TNFRSF10D: variants seen among roughly 807,000 people sequenced by gnomAD.
TNFRSF10D encodes tumor necrosis factor receptor superfamily member 10D.
Under a neutral mutation model 42.1 loss-of-function variants are expected in TNFRSF10D, and 28 were observed. That is an observed-to-expected ratio of 0.66 (90% CI 0.49 to 0.91). TNFRSF10D has a LOEUF of 0.91. Among genes scored for constraint, TNFRSF10D ranks in the 40% least tolerant of loss-of-function variants. TNFRSF10D has a pLI of 0.00. For synonymous variants in TNFRSF10D, 186 were observed against 189.4 expected (o/e 0.98, Z 0.15); for missense variants, 503 against 486.1 (o/e 1.03, Z -0.33).
chr8:23,155,745 G>A (rs1179313029), intron 1 of TNFRSF10D, among the ~76,000 whole-genome samples: 1 of 151,378 alleles, frequency 6.6e-6, no homozygotes, highest in Non-Finnish European at 1.5e-5. Flanking sequence ...ACACATATGA[G>A]CCCTTCAAGC....
At chr8:23,138,039 C>T in intron 8 of TNFRSF10D, 36 bp from the exon 9 acceptor site, 1 of 1,612,384 alleles carries the variant, frequency 6.2e-7, no homozygotes, top group Non-Finnish European at 8.5e-7. Context: ...TCTCAATGCT[C>T]CAAGGACGAT....
chr8:23,138,347 T>C, intron 7 of TNFRSF10D, 87 bp from the exon 8 acceptor site: 2 of 1,433,314 alleles, frequency 1.4e-6, no homozygotes. Context: ...GCAAGAGACC[T>C]GCAGCGCTTT....
intron 7 of TNFRSF10D, among the ~76,000 whole-genome samples, chr8:23,144,057 C>T (rs1033622591): frequency 3.3e-5 from 5 of 152,234 alleles, no homozygotes; most frequent in African/African-American, 7.2e-5. Context: ...CAAAGATTTA[C>T]TGTGAAATAT....
chr8:23,145,189 C>G, intron 5 of TNFRSF10D, 100 bp from the exon 6 acceptor site: 2 of 1,486,580 alleles, frequency 1.3e-6, no homozygotes, highest in East Asian at 2.3e-5. Context: ...GGCTGGGACA[C>G]TGGACAAGGA....
chr8:23,152,790 G>C (rs1257861551), intron 2 of TNFRSF10D, among the ~76,000 whole-genome samples: 1 of 152,212 alleles, frequency 6.6e-6, no homozygotes, highest in African/African-American at 2.4e-5. Context: ...TTGTTCATAT[G>C]ACCCAAAGTG....
chr8:23,155,046 A>C (rs1800257371), intron 1 of TNFRSF10D, 67 bp from the exon 2 acceptor site: 6 of 1,258,462 alleles, frequency 4.8e-6, no homozygotes, highest in Non-Finnish European at 3.3e-6. Context: ...GCTCCGTCTC[A>C]CATTCCCTTC....
In TNFRSF10D at chr8:23,136,533, C is replaced by T. The variant is rs143520202; in HGVS notation, c.*1337G>A. 1,006 of 161,282 alleles carry T rather than the reference C, an allele frequency of 6.2e-3. No individual in the cohort carries two copies. Among genetic ancestry groups the T allele is most frequent in the South Asian group, 0.02 (115 of 5,816 alleles). The allele number at this position is 161,282 out of a possible 1,614,324, so 10.0% of individuals were successfully genotyped here. The stretch of plus-strand genomic sequence containing the variant: ...TCCCTCTTGATGCCATGGCAGATGC[C>T]GGGGCAGATAAACACCTGCTCTGCC... On this transcript the variant is annotated 3_prime_UTR_variant, in exon 9 of 9. Coordinates refer to ENST00000312584, the MANE Select transcript of TNFRSF10D (RefSeq NM_003840.5).
At chr8:23,150,972 AGT>A (rs1282298595) in intron 2 of TNFRSF10D, among the ~76,000 whole-genome samples, 1 of 152,212 alleles carries the variant, frequency 6.6e-6, no homozygotes, top group Non-Finnish European at 1.5e-5. Flanking sequence ...CATCAGAGAA[AGT>A]GAAAGGAACA....
chr8:23,157,481 G>C (rs1484467195), intron 1 of TNFRSF10D, among the ~76,000 whole-genome samples: 1 of 152,092 alleles, frequency 6.6e-6, no homozygotes, highest in Non-Finnish European at 1.5e-5. Flanking sequence ...GTCTATCTTG[G>C]TGAAAGTATC....
chr8:23,163,872 C>A lies in TNFRSF10D; in HGVS notation c.64G>T (p.Ala22Ser). Residue 22 changes from alanine to serine, a missense_variant, in exon 1 of 9, where the codon GCC becomes TCC. Coordinates refer to ENST00000312584, the MANE Select transcript of TNFRSF10D (RefSeq NM_003840.5). Reference protein sequence around the residue: ...SSARAGRYPGARTASGTRPWL... With the variant: ...SSARAGRYPGSRTASGTRPWL... ...GGTCTGGTTCCCGACGCTGTCCTGG[C>A]TCCTGGATAGCGCCCTGCTCGAGCG... 1 of 1,602,576 alleles carries A rather than the reference C, an allele frequency of 6.2e-7. No homozygotes were observed. Among genetic ancestry groups the A allele is most frequent in the Admixed American group, 1.7e-5 (1 of 58,364 alleles).
intron 1 of TNFRSF10D, 100 bp from the exon 2 acceptor site, chr8:23,155,079 A>G: frequency 1.1e-6 from 1 of 942,248 alleles, no homozygotes; most frequent in South Asian, 1.8e-5. Flanking sequence ...AAAACCCATG[A>G]GAGCCTGGAC....
chr8:23,158,201 T>G lies in TNFRSF10D; in HGVS notation c.151-3222A>C, dbSNP rs1320878604. Among the ~76,000 whole-genome samples the G allele has an allele frequency of 8.5e-5, 13 of 152,336 alleles. No homozygotes were observed. The East Asian group carries it at 2.3e-3, about 27-fold the overall frequency. On this transcript the variant is annotated intron_variant, in intron 1 of 8. Transcript: ENST00000312584. The stretch of plus-strand genomic sequence containing the variant: ...TAAACTTTCACTCCTGCTCTGAAAC[T>G]TGCCTCTGTCTCTCCTTCTGCCTTA...
chr8:23,151,155 C>T (rs1800207958), intron 2 of TNFRSF10D, among the ~76,000 whole-genome samples: 1 of 150,014 alleles, frequency 6.7e-6, no homozygotes, highest in African/African-American at 2.5e-5. Flanking sequence ...ATTTTGAAAC[C>T]AGCAAGAGAC....
chr8:23,156,951 T>C (rs992842594), intron 1 of TNFRSF10D, among the ~76,000 whole-genome samples: 3 of 152,246 alleles, frequency 2.0e-5, no homozygotes, highest in Admixed American at 6.5e-5. Flanking sequence ...TTTATGCTTA[T>C]ATTTTATGAT....
chr8:23,144,460 T>C lies in TNFRSF10D; in HGVS notation c.944A>G (p.Gln315Arg). The C allele has an allele frequency of 6.2e-7, 1 of 1,614,012 alleles. No individual in the cohort carries two copies. Among genetic ancestry groups the C allele is most frequent in the Non-Finnish European group, 8.5e-7 (1 of 1,179,892 alleles). ...CCCTCCTCAACTCACCAGCAGACGC[T>C]GTGGCTCCTCTGGCAACTCTACAGT... The part of the protein sequence containing the change: ...GVTVELPEEP[Q>R]RLLEQAEAEG... Residue 315 changes from glutamine (Q) to arginine (R), a missense_variant, in exon 7 of 9, where the codon CAG becomes CGG. Physicochemically the swap from Gln to Arg is conservative, Grantham distance 43. Coordinates refer to ENST00000312584, the MANE Select transcript of TNFRSF10D (RefSeq NM_003840.5).
At chr8:23,144,367 G>A (rs755616260) in intron 7 of TNFRSF10D, 83 bp downstream of exon 7, 33 of 1,483,516 alleles carry the variant, frequency 2.2e-5, no homozygotes, top group Non-Finnish European at 2.9e-5. Context: ...GGCCAGGAAA[G>A]AGGAGGCACT....
At chr8:23,139,002 T>C (rs570989299) in intron 7 of TNFRSF10D, among the ~76,000 whole-genome samples, 1 of 152,172 alleles carries the variant, frequency 6.6e-6, no homozygotes, top group South Asian at 2.1e-4. Context: ...GGCAACAAGA[T>C]GGAAAATTAA....
At chr8:23,159,927 G>T (rs1800341417) in intron 1 of TNFRSF10D, among the ~76,000 whole-genome samples, 1 of 150,710 alleles carries the variant, frequency 6.6e-6, no homozygotes, top group Non-Finnish European at 1.5e-5. Flanking sequence ...TAATTCTCAG[G>T]TCCAGCCAAA....
chr8:23,153,838 AT>A (rs1482925072), intron 2 of TNFRSF10D, among the ~76,000 whole-genome samples: 3 of 152,206 alleles, frequency 2.0e-5, no homozygotes, highest in Non-Finnish European at 4.4e-5. Context: ...AAAACATAGA[AT>A]AACTATATGA....
Sources: gnomAD v4.1 joint callset for allele counts (sites outside exome capture counted in the v4.1 genomes callset) on GRCh38, gnomAD v4.1.1 for gene constraint, MANE v1.5 for transcripts, NCBI Gene and HGNC (gene_info 2026-07-23, HGNC 2026-07-21) for gene names.